The following GRIK2 variants were observed in gnomAD, a reference collection of about 807,000 sequenced individuals.
The protein encoded by GRIK2 is glutamate ionotropic receptor kainate type subunit 2.
GRIK2 carries 32 observed loss-of-function variants against 100.3 expected under a neutral mutation model. That is an observed-to-expected ratio of 0.32 (90% CI 0.24 to 0.43). The LOEUF is 0.43. Ranked by LOEUF, GRIK2 falls within the 20% of genes least tolerant of loss-of-function variation. The pLI is 1.00. For synonymous variants in GRIK2, 417 were observed against 389.4 expected, an observed-to-expected ratio of 1.07 and a Z score of -0.83; for missense variants, 843 against 1,114.9, an observed-to-expected ratio of 0.76 and a Z score of 3.47.
rs377464829 is a variant in GRIK2, at chr6:101,543,968, CAGA to C, written c.116-77975_116-77973del. On this transcript the variant is annotated intron_variant, in intron 2 of 16. Transcript: ENST00000369134. ...ATTGAGTAAGCAGAGTATAATATAG[CAGA>C]AGAAGTGCTGTGATCTCAGTGGGAC... 3.2e-4 allele frequency among the ~76,000 whole-genome samples: 49 copies of C among 152,022 alleles called. 1 individual carries two copies. In the East Asian group the frequency reaches 8.3e-3, roughly 26 times the overall value.
At position 101,576,152 on chromosome 6, in the gene GRIK2, T is replaced by G. The variant is rs1226135418; in HGVS notation, c.116-45797T>G. On this transcript the variant is annotated intron_variant, in intron 2 of 16. Transcript: ENST00000369134. The stretch of plus-strand genomic sequence containing the variant: ...GGGTGTTTCTTTTAGTATATCAAAT[T>G]TCCACACATTTTCTACAGGATGCTC... 2.6e-5 allele frequency among the ~76,000 whole-genome samples: 4 copies of G among 152,154 alleles called. No homozygotes were observed. The South Asian group carries it at 6.2e-4, about 24-fold the overall frequency.
intron 2 of GRIK2, among the ~76,000 whole-genome samples, chr6:101,461,287 G>A (rs1452295621): frequency 6.6e-6 from 1 of 152,106 alleles, no homozygotes; most frequent in Non-Finnish European, 1.5e-5. Context: ...GTAAAATTAA[G>A]GTATAATCAG....
chr6:101,455,424 A>G (rs1447179244), intron 2 of GRIK2, among the ~76,000 whole-genome samples: 1 of 152,068 alleles, frequency 6.6e-6, no homozygotes, highest in African/African-American at 2.4e-5. Flanking sequence ...GAGTGGGATG[A>G]TAACCTTTTT....
intron 7 of GRIK2, among the ~76,000 whole-genome samples, chr6:101,760,350 T>G (rs1266159550): frequency 2.5e-5 from 2 of 81,526 alleles, no homozygotes; most frequent in Non-Finnish European, 4.0e-5. Context: ...TTATATATAA[T>G]TAATTATATT....
intron 2 of GRIK2, among the ~76,000 whole-genome samples, chr6:101,527,427 A>G (rs1480062664): frequency 1.3e-5 from 2 of 152,190 alleles, no homozygotes; most frequent in Admixed American, 6.5e-5. Context: ...AAGCTCACCA[A>G]AAAAGGACAG....
At chr6:101,761,723 A>G (rs1238703828) in intron 7 of GRIK2, among the ~76,000 whole-genome samples, 2 of 152,038 alleles carry the variant, frequency 1.3e-5, no homozygotes, top group Non-Finnish European at 2.9e-5. Flanking sequence ...TAACAAAACC[A>G]GATGCAAAGA....
intron 2 of GRIK2, among the ~76,000 whole-genome samples, chr6:101,449,612 G>A (rs1770557093): frequency 6.6e-6 from 1 of 151,690 alleles, no homozygotes; most frequent in African/African-American, 2.4e-5. Context: ...GACAAAGAGA[G>A]TATGATCTAA....
chr6:101,789,834 A>T (rs1277355193), intron 7 of GRIK2, among the ~76,000 whole-genome samples: 1 of 152,210 alleles, frequency 6.6e-6, no homozygotes. Flanking sequence ...CTTCCTACCC[A>T]TGAGCATGGA....
intron 12 of GRIK2, among the ~76,000 whole-genome samples, chr6:101,898,275 T>C (rs2128460555): frequency 6.6e-6 from 1 of 151,968 alleles, no homozygotes; most frequent in South Asian, 2.1e-4. Flanking sequence ...AAAGAAAAAA[T>C]AAATTTAGAA....
chr6:101,487,000 C>T (rs1283954431), intron 2 of GRIK2, among the ~76,000 whole-genome samples: 1 of 146,362 alleles, frequency 6.8e-6, no homozygotes, highest in Non-Finnish European at 1.5e-5. Context: ...TGCCTTTACC[C>T]CTTTTCAGGC....
intron 2 of GRIK2, among the ~76,000 whole-genome samples, chr6:101,495,245 C>T (rs894321573): frequency 1.3e-5 from 2 of 151,982 alleles, no homozygotes; most frequent in African/African-American, 4.8e-5. Flanking sequence ...GTGGCTCATG[C>T]CTGTAATCCC....
At chr6:101,574,407 T>C (rs557707132) in intron 2 of GRIK2, among the ~76,000 whole-genome samples, 16 of 149,170 alleles carry the variant, frequency 1.1e-4, no homozygotes, top group Non-Finnish European at 1.8e-4. Context: ...TAGCAGCTTA[T>C]TTATACAACA....
intron 2 of GRIK2, among the ~76,000 whole-genome samples, chr6:101,508,983 G>A (rs760199072): frequency 4.6e-5 from 7 of 151,820 alleles, no homozygotes; most frequent in Non-Finnish European, 8.8e-5. Flanking sequence ...GTGAAACCCC[G>A]TCTCTACTAA....
intron 13 of GRIK2, chr6:101,927,657 C>T (rs1196057432): frequency 6.6e-6 from 1 of 151,916 alleles, no homozygotes; most frequent in Non-Finnish European, 1.5e-5. Context: ...TCTCAGATCC[C>T]ATTCTTTTAT....
At chr6:101,462,733 C>T (rs1771396223) in intron 2 of GRIK2, among the ~76,000 whole-genome samples, 1 of 152,106 alleles carries the variant, frequency 6.6e-6, no homozygotes, top group South Asian at 2.1e-4. Flanking sequence ...TGCAGAAAAG[C>T]AGGGCTGCTG....
At chr6:101,619,260 G>A (rs9498652) in intron 2 of GRIK2, among the ~76,000 whole-genome samples, 29,532 of 150,644 alleles carry the variant, frequency 0.2, 3,347 homozygotes, top group African/African-American at 0.3. Flanking sequence ...AAAAGGTTGC[G>A]TTATCTGGAT....
chr6:101,823,799 T>C (rs1255292030), intron 10 of GRIK2, among the ~76,000 whole-genome samples: 3 of 151,978 alleles, frequency 2.0e-5, no homozygotes, highest in African/African-American at 7.2e-5. Context: ...TTTATTTATT[T>C]GTTTGTTTAT....
chr6:101,409,885 CTG>C (rs1775801546), intron 2 of GRIK2, among the ~76,000 whole-genome samples: 3 of 152,076 alleles, frequency 2.0e-5, no homozygotes, highest in African/African-American at 4.8e-5. Flanking sequence ...ACTTCTTAAA[CTG>C]TGTATATTTA....
intron 14 of GRIK2, among the ~76,000 whole-genome samples, chr6:101,954,121 C>T (rs1791765449): frequency 6.6e-6 from 1 of 152,086 alleles, no homozygotes; most frequent in African/African-American, 2.4e-5. Flanking sequence ...TATGTCTATC[C>T]ATATCTACAT....
Sources: allele counts gnomAD v4.1 joint callset (sites outside exome capture counted in the v4.1 genomes callset), GRCh38; gene constraint gnomAD v4.1.1; transcripts MANE v1.5; gene names NCBI Gene and HGNC (gene_info 2026-07-23, HGNC 2026-07-21).